TMEM108: variants seen among roughly 807,000 people sequenced by gnomAD.
TMEM108 encodes the protein cancer/testis antigen 124.
A neutral mutation model predicts 35.1 loss-of-function variants in TMEM108; 12 were observed. The ratio of observed to expected loss-of-function variants is 0.34; its 90% confidence interval spans 0.22 to 0.55. TMEM108 has a LOEUF of 0.55. Ranked by LOEUF, TMEM108 falls within the 20% of genes least tolerant of loss-of-function variation. The probability of loss-of-function intolerance (pLI) is 0.89; values close to 1 mark genes in which losing one functional copy is unlikely to be tolerated. For synonymous variants in TMEM108, 287 were observed against 308.6 expected (o/e 0.93, Z 0.73); for missense variants, 680 against 753.3 (o/e 0.90, Z 1.14).
At chr3:133,076,772 G>T (rs1943747609) in intron 2 of TMEM108, among the ~76,000 whole-genome samples, 1 of 152,216 alleles carries the variant, frequency 6.6e-6, no homozygotes, top group Admixed American at 6.5e-5. Context: ...TTTGGCAATG[G>T]GCAGCAGTCT....
intron 3 of TMEM108, among the ~76,000 whole-genome samples, chr3:133,357,002 T>G (rs2107784204): frequency 6.6e-6 from 1 of 151,878 alleles, no homozygotes; most frequent in South Asian, 2.1e-4. Flanking sequence ...CACAGTAAAA[T>G]AGGCAGTGTA....
intron 3 of TMEM108, among the ~76,000 whole-genome samples, chr3:133,360,934 C>T (rs1460838264): frequency 6.6e-6 from 1 of 152,046 alleles, no homozygotes; most frequent in East Asian, 1.9e-4. Flanking sequence ...TAAAAACAAA[C>T]AAAAAAATAT....
At chr3:133,103,290 G>T (rs1944111089) in intron 2 of TMEM108, among the ~76,000 whole-genome samples, 1 of 152,176 alleles carries the variant, frequency 6.6e-6, no homozygotes, top group Non-Finnish European at 1.5e-5. Flanking sequence ...GCAGGGACAT[G>T]GAATGAGCTG....
intron 3 of TMEM108, among the ~76,000 whole-genome samples, chr3:133,256,511 C>A (rs1946548299): frequency 6.6e-6 from 1 of 152,024 alleles, no homozygotes; most frequent in Non-Finnish European, 1.5e-5. Flanking sequence ...ATATACTAGA[C>A]AATAATAGCA....
intron 2 of TMEM108, chr3:133,124,943 G>A (rs367916640): frequency 6.6e-5 from 10 of 152,188 alleles, no homozygotes; most frequent in African/African-American, 1.4e-4. Context: ...TAGATGCCAC[G>A]AGAAGCTAAA....
intron 2 of TMEM108, among the ~76,000 whole-genome samples, chr3:133,186,253 T>C (rs1022221444): frequency 1.3e-5 from 2 of 152,232 alleles, no homozygotes; most frequent in Non-Finnish European, 2.9e-5. Flanking sequence ...TATTGATTAC[T>C]ATTTGTGATG....
At chr3:133,324,668 G>C (rs1032988071) in intron 3 of TMEM108, among the ~76,000 whole-genome samples, 1 of 152,184 alleles carries the variant, frequency 6.6e-6, no homozygotes. Context: ...TCACTACTGG[G>C]TATCCACCCA....
intron 2 of TMEM108, among the ~76,000 whole-genome samples, chr3:133,172,178 A>G (rs1394924512): frequency 6.6e-6 from 1 of 152,184 alleles, no homozygotes; most frequent in Non-Finnish European, 1.5e-5. Flanking sequence ...ACTCATAGAG[A>G]GTTAAGTAAT....
chr3:133,279,677 G>T (rs556132963), intron 3 of TMEM108, among the ~76,000 whole-genome samples: 76 of 152,290 alleles, frequency 5.0e-4, no homozygotes, highest in Middle Eastern at 3.4e-3. Context: ...CCTAATGAAT[G>T]AATCTGATGA....
At chr3:133,160,168 T>G (rs1944940929) in intron 2 of TMEM108, among the ~76,000 whole-genome samples, 3 of 152,214 alleles carry the variant, frequency 2.0e-5, no homozygotes, top group Non-Finnish European at 4.4e-5. Context: ...CCTTTAGGGC[T>G]GCTGCTCCTT....
At chr3:133,329,853 C>T (rs1242045307) in intron 3 of TMEM108, among the ~76,000 whole-genome samples, 1 of 152,126 alleles carries the variant, frequency 6.6e-6, no homozygotes, top group East Asian at 1.9e-4. Context: ...ATCTAGATTC[C>T]CTAAGAGAAG....
chr3:133,261,998 G>T (rs762401268), intron 3 of TMEM108, among the ~76,000 whole-genome samples: 45 of 152,174 alleles, frequency 3.0e-4, no homozygotes, highest in Non-Finnish European at 4.9e-4. Context: ...ATATCAGAGG[G>T]CAAGTATCAT....
At chr3:133,247,653 A>G (rs79383365) in intron 3 of TMEM108, 1 of 121,956 alleles carries the variant, frequency 8.2e-6, no homozygotes, top group African/African-American at 2.7e-5. Context: ...AAAAAAAAAT[A>G]AAAAATAAAT....
chr3:133,206,994 C>CAGAATT (rs1945765632), intron 2 of TMEM108, among the ~76,000 whole-genome samples: 2 of 152,164 alleles, frequency 1.3e-5, no homozygotes, highest in Non-Finnish European at 2.9e-5. Flanking sequence ...TTCAGACATG[C>CAGAATT]CCTGCCTAGA....
intron 2 of TMEM108, among the ~76,000 whole-genome samples, chr3:133,181,801 C>A (rs1392262053): frequency 6.6e-6 from 1 of 152,154 alleles, no homozygotes; most frequent in Non-Finnish European, 1.5e-5. Flanking sequence ...GATTAACCAG[C>A]TAGTCAACTG....
chr3:133,340,254 T>C (rs4854716), intron 3 of TMEM108, among the ~76,000 whole-genome samples: 46,311 of 151,064 alleles, frequency 0.31, 7,802 homozygotes, highest in East Asian at 0.47. Flanking sequence ...AAAAAGGAGA[T>C]TACAGCTGAT....
At chr3:133,131,114 T>C (rs1435604617) in intron 2 of TMEM108, among the ~76,000 whole-genome samples, 2 of 152,184 alleles carry the variant, frequency 1.3e-5, no homozygotes, top group Non-Finnish European at 2.9e-5. Flanking sequence ...TGAATATTTA[T>C]GTAAACAGCT....
intron 2 of TMEM108, among the ~76,000 whole-genome samples, chr3:133,090,449 C>CTA (rs1268176664): frequency 6.6e-6 from 1 of 152,208 alleles, no homozygotes; most frequent in East Asian, 1.9e-4. Flanking sequence ...GCGTGAGGCC[C>CTA]TTGTATCTTT....
At chr3:133,073,366 G>A (rs1418756678) in intron 2 of TMEM108, among the ~76,000 whole-genome samples, 1 of 149,610 alleles carries the variant, frequency 6.7e-6, no homozygotes, top group Non-Finnish European at 1.5e-5. Flanking sequence ...AGGTAAGTGC[G>A]ATTATGTGGT....
Sources: gnomAD v4.1 joint callset for allele counts (sites outside exome capture counted in the v4.1 genomes callset) on GRCh38, gnomAD v4.1.1 for gene constraint, MANE v1.5 for transcripts, NCBI Gene and HGNC (gene_info 2026-07-23, HGNC 2026-07-21) for gene names.